The following COX7B2 variants were observed in gnomAD, a reference collection of about 807,000 sequenced individuals.
The protein encoded by COX7B2 is cytochrome c oxidase subunit 7B2, also known as cytochrome c oxidase subunit 7B2, mitochondrial.
For missense variants in COX7B2, 109 were observed against 95.9 expected, an observed-to-expected ratio of 1.14 and a Z score of -0.57; for synonymous variants, 37 against 32.1, an observed-to-expected ratio of 1.15 and a Z score of -0.51.
chr4:46,830,921 G>T (rs142399036), intron 2 of COX7B2, among the ~76,000 whole-genome samples: 1 of 152,212 alleles, frequency 6.6e-6, no homozygotes, highest in Non-Finnish European at 1.5e-5. Context: ...CCTCCTAGGC[G>T]TCGGCGCCCA....
intron 2 of COX7B2, among the ~76,000 whole-genome samples, chr4:46,812,042 T>C (rs1719310841): frequency 2.0e-5 from 3 of 152,240 alleles, no homozygotes; most frequent in Admixed American, 6.5e-5. Context: ...TTTCTTGAAA[T>C]TGGGTCTGAT....
intron 1 of COX7B2, among the ~76,000 whole-genome samples, chr4:46,897,893 T>TA (rs1456941196): frequency 6.6e-6 from 1 of 152,206 alleles, no homozygotes; most frequent in African/African-American, 2.4e-5. Context: ...CTGGTATTGT[T>TA]AACCACATTA....
rs113976510 is a variant in COX7B2, at chr4:46,803,268, A to C, written c.-50+41692T>G. Among the ~76,000 whole-genome samples, 446 of 152,232 alleles carry C rather than the reference A, an allele frequency of 2.9e-3. 5 individuals are homozygous for C. Among genetic ancestry groups the C allele is most frequent in the African/African-American group, 0.01 (421 of 41,546 alleles). On this transcript the variant is annotated intron_variant, in intron 2 of 2. Coordinates refer to ENST00000355591, the MANE Select transcript of COX7B2 (RefSeq NM_130902.3). ...TTTGCGCGTAATTTCTTCATTCTTT[A>C]TTCCTTATCCTCCCAGAAAAAGATA... is the stretch of plus-strand genomic sequence containing the variant.
chr4:46,737,169 T>C (rs1244476984), intron 2 of COX7B2, among the ~76,000 whole-genome samples: 1 of 152,154 alleles, frequency 6.6e-6, no homozygotes, highest in Non-Finnish European at 1.5e-5. Context: ...GGTGTTTCAT[T>C]TGCAGTTCCC....
intron 2 of COX7B2, among the ~76,000 whole-genome samples, chr4:46,826,151 T>A (rs1248477398): frequency 6.6e-6 from 1 of 151,956 alleles, no homozygotes; most frequent in African/African-American, 2.4e-5. Flanking sequence ...ACACGCAGCA[T>A]CTATAAAAAA....
rs34090448 is a variant in COX7B2 at position 46,824,654 on chromosome 4, TA to T, written c.-50+20305del. On this transcript the variant is annotated intron_variant, in intron 2 of 2. Transcript: ENST00000355591. ...TATTATGTGAGTATTACTGTTTGTG[TA>T]AAAAAAAAAAAAAAAAGCAAATTCA... Among the ~76,000 whole-genome samples, 601 of 130,228 alleles carry T rather than the reference TA, an allele frequency of 4.6e-3. 3 individuals are homozygous for T. The highest frequency in any genetic ancestry group is 9.3e-3 in the Admixed American group (122 of 13,154). The allele number at this position is 130,228 out of a possible 152,430, so 85.4% of individuals were successfully genotyped here.
intron 2 of COX7B2, among the ~76,000 whole-genome samples, chr4:46,773,190 G>A (rs746312179): frequency 2.0e-5 from 3 of 152,018 alleles, no homozygotes; most frequent in African/African-American, 2.4e-5. Flanking sequence ...AGGTAGTATC[G>A]TTTGACTGTG....
intron 2 of COX7B2, among the ~76,000 whole-genome samples, chr4:46,778,157 T>C (rs189869172): frequency 7.2e-4 from 109 of 152,184 alleles, no homozygotes; most frequent in Non-Finnish European, 1.3e-3. Flanking sequence ...GAGTGTGGAA[T>C]GTGTGATTTG....
chr4:46,865,391 A>G (rs1717604815), intron 1 of COX7B2, among the ~76,000 whole-genome samples: 1 of 152,172 alleles, frequency 6.6e-6, no homozygotes, highest in Non-Finnish European at 1.5e-5. Flanking sequence ...CATCTTTGTA[A>G]CTGTGTATTG....
At chr4:46,762,291 AAT>A (rs983006364) in intron 2 of COX7B2, among the ~76,000 whole-genome samples, 6 of 72,820 alleles carry the variant, frequency 8.2e-5, no homozygotes, top group East Asian at 5.6e-4. Context: ...ACATATATAA[AAT>A]ATATATAGTG....
At chr4:46,769,614 A>G (rs1294797816) in intron 2 of COX7B2, among the ~76,000 whole-genome samples, 5 of 152,144 alleles carry the variant, frequency 3.3e-5, no homozygotes, top group Non-Finnish European at 7.4e-5. Context: ...GCTACTCAGA[A>G]GACTGGCAGG....
At position 46,739,359 on chromosome 4, in the gene COX7B2, C is replaced by T. The variant is rs1265662183; in HGVS notation, c.-49-4118G>A. Among the ~76,000 whole-genome samples the T allele has an allele frequency of 2.0e-5, 3 of 151,932 alleles. No homozygotes were observed. In the East Asian group the frequency reaches 5.8e-4, roughly 29 times the overall value. Reference sequence around the variant, plus strand: ...CAAACCAAACCAAAACAAAACAAAACAAAACAAAACCAAGCTGGTTACCAG... The same window carrying T: ...CAAACCAAACCAAAACAAAACAAAATAAAACAAAACCAAGCTGGTTACCAG... On this transcript the variant is annotated intron_variant, in intron 2 of 2. Transcript: ENST00000355591.
intron 2 of COX7B2, among the ~76,000 whole-genome samples, chr4:46,791,992 G>A (rs574362389): frequency 6.6e-6 from 1 of 152,244 alleles, no homozygotes; most frequent in East Asian, 1.9e-4. Flanking sequence ...GAGCCAAAGA[G>A]GATCTTAAAG....
intron 2 of COX7B2, among the ~76,000 whole-genome samples, chr4:46,744,126 CAT>C (rs1714877261): frequency 6.6e-6 from 1 of 151,662 alleles, no homozygotes; most frequent in African/African-American, 2.4e-5. Context: ...TTTGTATAAA[CAT>C]AGAAAATTGA....
At chr4:46,861,937 C>G (rs1231881882) in intron 1 of COX7B2, among the ~76,000 whole-genome samples, 2 of 152,180 alleles carry the variant, frequency 1.3e-5, no homozygotes, top group Non-Finnish European at 1.5e-5. Flanking sequence ...TCCCTGTTAT[C>G]CAATTAGCCC....
chr4:46,874,913 G>A (rs1045934857), intron 1 of COX7B2, among the ~76,000 whole-genome samples: 9 of 152,104 alleles, frequency 5.9e-5, no homozygotes, highest in Admixed American at 2.0e-4. Context: ...TTCTACCTGA[G>A]AGGTCTGCTG....
chr4:46,805,415 T>C lies in COX7B2; in HGVS notation c.-50+39545A>G, dbSNP rs534707747. Among the ~76,000 whole-genome samples the C allele has an allele frequency of 7.9e-5, 12 of 152,366 alleles. No homozygotes were observed. In the South Asian group the frequency reaches 2.5e-3, roughly 32 times the overall value. On this transcript the variant is annotated intron_variant, in intron 2 of 2. Coordinates refer to ENST00000355591, the MANE Select transcript of COX7B2 (RefSeq NM_130902.3). The stretch of plus-strand genomic sequence containing the variant: ...AAGTAATATACCACAAAACTACTTA[T>C]GTGTGTGTGAGACTATGTTATAGAT...
intron 2 of COX7B2, among the ~76,000 whole-genome samples, chr4:46,795,460 C>A (rs1291460190): frequency 7.8e-6 from 1 of 127,894 alleles, no homozygotes; most frequent in Non-Finnish European, 1.6e-5. Flanking sequence ...ATAGGGAATC[C>A]TTTCCCCATT....
chr4:46,849,693 T>C (rs890577744), intron 1 of COX7B2, among the ~76,000 whole-genome samples: 1 of 152,142 alleles, frequency 6.6e-6, no homozygotes, highest in Non-Finnish European at 1.5e-5. Flanking sequence ...ACAATGAATT[T>C]TTTTTTATTA....
Sources: gnomAD v4.1 joint callset for allele counts (sites outside exome capture counted in the v4.1 genomes callset) on GRCh38, gnomAD v4.1.1 for gene constraint, MANE v1.5 for transcripts, NCBI Gene and HGNC (gene_info 2026-07-23, HGNC 2026-07-21) for gene names.